The following HDLBP variants were observed in gnomAD, a reference collection of about 807,000 sequenced individuals.
HDLBP encodes the protein high density lipoprotein binding protein.
Under a neutral mutation model 137.3 loss-of-function variants are expected in HDLBP, and 30 were observed. The ratio of observed to expected loss-of-function variants is 0.22; its 90% CI spans 0.16 to 0.30. The LOEUF is 0.30. HDLBP is among the 10% of genes least tolerant of loss of function. HDLBP has a pLI of 1.00. For missense variants in HDLBP, 1,119 were observed against 1,667.3 expected, an observed-to-expected ratio of 0.67 and a Z score of 5.73; for synonymous variants, 606 against 596.0, an observed-to-expected ratio of 1.02 and a Z score of -0.24.
intron 1 of HDLBP, among the ~76,000 whole-genome samples, chr2:241,282,824 G>T (rs898174222): frequency 1.3e-5 from 2 of 152,086 alleles, no homozygotes; most frequent in Admixed American, 1.3e-4. Flanking sequence ...CTCTCCTCAT[G>T]CCGCCCGATC....
rs1459453382 is a variant in HDLBP at position 241,272,454 on chromosome 2, G to T, written c.-102-3913C>A. On this transcript the variant is annotated intron_variant, in intron 1 of 27. Transcript: ENST00000310931. This position sits in a 1 kb window ranked among gnomAD's most constrained non-coding sequence, Gnocchi z 5.6. ...GGGAGGAGGCGGGGGAGCCCAGCTT[G>T]CAGCCAAGAGCGGCCCAGCGGCGCC... The T allele has an allele frequency of 1.0e-6, 1 of 984,670 alleles. No individual in the cohort carries two copies. Among genetic ancestry groups the T allele is most frequent in the Non-Finnish European group, 1.2e-6 (1 of 829,728 alleles). The allele number at this position is 984,670 out of a possible 1,614,324, so 61.0% of individuals were successfully genotyped here.
intron 11 of HDLBP, 145 bp downstream of exon 11, chr2:241,252,812 G>GC: frequency 1.8e-6 from 1 of 563,612 alleles, no homozygotes; most frequent in Non-Finnish European, 3.2e-6. Context: ...CTTCCAGCAG[G>GC]CAGGAGGATG....
chr2:241,287,167 G>C (rs954520030), intron 1 of HDLBP, among the ~76,000 whole-genome samples: 4 of 152,146 alleles, frequency 2.6e-5, no homozygotes, highest in African/African-American at 9.7e-5. Context: ...CTGGAGTGCA[G>C]TGGCGTGATC....
At chr2:241,306,863 C>A (rs2075594760) in intron 1 of HDLBP, among the ~76,000 whole-genome samples, 1 of 142,110 alleles carries the variant, frequency 7.0e-6, no homozygotes, top group South Asian at 2.2e-4. Flanking sequence ...GCCTGGGTGA[C>A]AGGGAGAGAC....
At chr2:241,256,154 A>T (rs749726410) in intron 7 of HDLBP, 30 bp downstream of exon 7, 3 of 1,581,012 alleles carry the variant, frequency 1.9e-6, no homozygotes, top group Non-Finnish European at 2.6e-6. Context: ...ATTCCTGCCC[A>T]TGGGGATTTG....
intron 1 of HDLBP, among the ~76,000 whole-genome samples, chr2:241,277,364 T>C (rs896266378): frequency 6.6e-6 from 1 of 152,194 alleles, no homozygotes; most frequent in African/African-American, 2.4e-5. Flanking sequence ...AAAAGACATA[T>C]ACCACAAAGG....
At chr2:241,276,340 CG>C (rs1456642966) in intron 1 of HDLBP, among the ~76,000 whole-genome samples, 1 of 151,912 alleles carries the variant, frequency 6.6e-6, no homozygotes, top group African/African-American at 2.4e-5. Flanking sequence ...GTAGGTTCAG[CG>C]GTATTCATTA....
intron 21 of HDLBP, chr2:241,236,256 A>C: frequency 3.3e-6 from 1 of 299,894 alleles, no homozygotes; most frequent in Non-Finnish European, 6.3e-6. Flanking sequence ...AAGGTGAGCT[A>C]GGCCTGATAA....
At chr2:241,273,886 T>TGGCAGGGGAGGGGAG (rs368320687) in intron 1 of HDLBP, among the ~76,000 whole-genome samples, 1 of 145,698 alleles carries the variant, frequency 6.9e-6, no homozygotes, top group East Asian at 2.0e-4. Flanking sequence ...TGACACTAAG[T>TGGCAGGGGAGGGGAG]GGCAGGGGAG....
intron 1 of HDLBP, among the ~76,000 whole-genome samples, chr2:241,305,820 C>T (rs1323143083): frequency 6.1e-5 from 9 of 147,924 alleles, no homozygotes; most frequent in African/African-American, 2.3e-4. Context: ...AGTGCAGTGG[C>T]GTGATCTCGG....
chr2:241,312,654 C>T (rs1345098252), intron 1 of HDLBP, among the ~76,000 whole-genome samples: 1 of 152,144 alleles, frequency 6.6e-6, no homozygotes, highest in Non-Finnish European at 1.5e-5. Context: ...TTACTTCTTA[C>T]CAAAAGAGGG....
chr2:241,304,113 C>G (rs967335933), intron 1 of HDLBP, among the ~76,000 whole-genome samples: 2 of 152,306 alleles, frequency 1.3e-5, no homozygotes, highest in South Asian at 4.1e-4. Context: ...GTATTACAGG[C>G]ATAAGCCACC....
chr2:241,267,829 A>C, intron 2 of HDLBP: 1 of 1,452,552 alleles, frequency 6.9e-7, no homozygotes, highest in Non-Finnish European at 9.1e-7. Context: ...GGTGTGGGAC[A>C]GAACTCGCAC....
intron 1 of HDLBP, among the ~76,000 whole-genome samples, chr2:241,294,235 C>A (rs2075102292): frequency 6.6e-6 from 1 of 152,142 alleles, no homozygotes; most frequent in Non-Finnish European, 1.5e-5. Context: ...GGACCAATAA[C>A]TATAATCAGG....
rs547512048 is a variant in HDLBP at position 241,234,981 on chromosome 2, C to T, written c.3144+140G>A. The T allele has an allele frequency of 2.2e-5, 21 of 953,822 alleles. No homozygotes were observed. The East Asian group carries it at 2.6e-4, about 12-fold the overall frequency. The allele number at this position is 953,822 out of a possible 1,614,324, so 59.1% of individuals were successfully genotyped here. ...CAGCAAGACCCCTGGATGCTGACTGCGTCCTGGCACTGCCTGCATCTCACC... is the reference window on the plus strand; with the variant it reads ...CAGCAAGACCCCTGGATGCTGACTGTGTCCTGGCACTGCCTGCATCTCACC... On this transcript the variant is annotated intron_variant, in intron 23 of 27. Transcript: ENST00000310931.
chr2:241,305,302 T>C (rs1374319026), intron 1 of HDLBP, among the ~76,000 whole-genome samples: 2 of 152,316 alleles, frequency 1.3e-5, no homozygotes, highest in East Asian at 3.9e-4. Context: ...TCTGTATTTT[T>C]AGTAGAGATG....
Position 241,272,609 on chromosome 2 carries a change from CAGCCTGGGG to C in HDLBP, c.-102-4077_-102-4069del, listed in dbSNP as rs2074178407. The C allele has an allele frequency of 1.0e-6, 1 of 982,180 alleles. No homozygotes were observed. The highest frequency in any genetic ancestry group is 1.8e-5 in the African/African-American group (1 of 56,910). 60.8% of individuals were successfully genotyped at this position (982,180 alleles called of 1,614,324 possible). ...GCAGGACACCCGCGGGCGGGGGCCGCAGCCTGGGGCCCGGGTGGGGGCCGCGGCACCCGG... is the reference window on the plus strand; with the variant it reads ...GCAGGACACCCGCGGGCGGGGGCCGCCCCGGGTGGGGGCCGCGGCACCCGG... On this transcript the variant is annotated intron_variant, in intron 1 of 27. Transcript: ENST00000310931. This position sits in a 1 kb window ranked among gnomAD's most constrained non-coding sequence, Gnocchi z 5.6.
At chr2:241,285,362 G>A (rs2149632331) in intron 1 of HDLBP, among the ~76,000 whole-genome samples, 1 of 152,340 alleles carries the variant, frequency 6.6e-6, no homozygotes, top group South Asian at 2.1e-4. Context: ...TAGCATTTTT[G>A]TAGAGTCAGA....
At chr2:241,291,282 G>A (rs532522930) in intron 1 of HDLBP, among the ~76,000 whole-genome samples, 8 of 152,222 alleles carry the variant, frequency 5.3e-5, no homozygotes, top group Admixed American at 2.0e-4. Flanking sequence ...GGGTTCCTTA[G>A]AAACATGACT....
Sources: gnomAD v4.1 joint callset for allele counts (sites outside exome capture counted in the v4.1 genomes callset) on GRCh38, gnomAD v4.1.1 for gene constraint, Gnocchi (gnomAD v3.1) non-coding constraint, MANE v1.5 for transcripts, NCBI Gene and HGNC (gene_info 2026-07-23, HGNC 2026-07-21) for gene names.